MTMR14: variants seen among roughly 807,000 people sequenced by gnomAD.
MTMR14 encodes the protein phosphatidylinositol-3,5-bisphosphate 3-phosphatase MTMR14.
MTMR14 carries 48 observed loss-of-function variants against 86.3 expected under a neutral mutation model. The ratio of observed to expected loss-of-function variants is 0.56; its 90% CI spans 0.44 to 0.71. The LOEUF is 0.71. Among genes scored for constraint, MTMR14 ranks in the 30% least tolerant of loss-of-function variants. The pLI is 0.00. For synonymous variants in MTMR14, 366 were observed against 326.1 expected, an observed-to-expected ratio of 1.12 and a Z score of -1.32; for missense variants, 780 against 834.6, an observed-to-expected ratio of 0.93 and a Z score of 0.81.
chr3:9,661,149 C>T (rs549507381), intron 2 of MTMR14, among the ~76,000 whole-genome samples: 137 of 152,192 alleles, frequency 9.0e-4, no homozygotes, highest in Non-Finnish European at 4.3e-4. Flanking sequence ...GCCATATGGA[C>T]TGTGAAAGCA....
chr3:9,701,806 G>A lies in MTMR14; in HGVS notation c.1786G>A (p.Asp596Asn). The A allele has an allele frequency of 1.2e-6, 2 of 1,613,850 alleles. No homozygotes were observed. Among genetic ancestry groups the A allele is most frequent in the South Asian group, 1.1e-5 (1 of 91,072 alleles). ...TCCCCATAGGCTTGCAGCCCTGAGT[G>A]ATCGAGAGACTCGGCTGCAGGAGGT... ...PNSCLLAALS[D>N]RETRLQEVRS... is the part of the protein sequence containing the mutation. The change falls in exon 19 of 19, where the codon GAT becomes AAT. Residue 596 changes from aspartate to asparagine, a missense_variant. By Grantham distance (23) the Asp-to-Asn change is conservative (BLOSUM62 1). Coordinates refer to ENST00000296003, the MANE Select transcript of MTMR14 (RefSeq NM_001077525.3). This position sits in a 1 kb window ranked among gnomAD's most constrained non-coding sequence, Gnocchi z 4.2.
intron 18 of MTMR14, among the ~76,000 whole-genome samples, chr3:9,698,578 G>GCTGGGGCC (rs2076354379): frequency 1.3e-5 from 2 of 152,234 alleles, no homozygotes; most frequent in African/African-American, 4.8e-5. Context: ...TGGGCTGGAT[G>GCTGGGGCC]AATGGCACAT....
chr3:9,691,861 G>A (rs1284922685), intron 17 of MTMR14, among the ~76,000 whole-genome samples: 1 of 152,174 alleles, frequency 6.6e-6, no homozygotes, highest in Non-Finnish European at 1.5e-5. Context: ...GACCAAGATG[G>A]GTGCAAGGCT....
At chr3:9,678,818 G>T (rs1009224540) in intron 9 of MTMR14, among the ~76,000 whole-genome samples, 7 of 152,228 alleles carry the variant, frequency 4.6e-5, no homozygotes, top group Non-Finnish European at 7.3e-5. Flanking sequence ...TTTCCACTGA[G>T]CTGTAGTCAC....
intron 2 of MTMR14, among the ~76,000 whole-genome samples, chr3:9,656,269 C>T (rs2047602051): frequency 6.6e-6 from 1 of 152,010 alleles, no homozygotes. Flanking sequence ...GTTAAGGGCT[C>T]TTGTAAATAG....
chr3:9,679,912 T>C (rs774530911), intron 9 of MTMR14, among the ~76,000 whole-genome samples: 3 of 152,194 alleles, frequency 2.0e-5, no homozygotes, highest in African/African-American at 4.8e-5. Flanking sequence ...TCAGTGTTGC[T>C]CAACCTGTTT....
At chr3:9,691,194 G>C (rs974310016) in intron 17 of MTMR14, among the ~76,000 whole-genome samples, 1 of 152,234 alleles carries the variant, frequency 6.6e-6, no homozygotes, top group East Asian at 1.9e-4. Context: ...GCTCACCCCT[G>C]CGTGAACTCT....
rs186228925 is a variant in MTMR14 at position 9,662,040 on chromosome 3, A to G, written c.309-227A>G. ...GAGGCAGAGGCTGTGGTGAGCCAAGATTGCGCCACTGCACTCTAGCCTGGG... is the reference window on the plus strand; with the variant it reads ...GAGGCAGAGGCTGTGGTGAGCCAAGGTTGCGCCACTGCACTCTAGCCTGGG... On this transcript the variant is annotated intron_variant, in intron 2 of 18. Transcript: ENST00000296003. 6.0e-3 allele frequency among the ~76,000 whole-genome samples: 913 copies of G among 152,054 alleles called. 7 individuals are homozygous for G. The highest frequency in any genetic ancestry group is 8.1e-3 in the Non-Finnish European group (553 of 67,996).
chr3:9,658,154 A>G (rs1389330740), intron 2 of MTMR14, among the ~76,000 whole-genome samples: 2 of 152,206 alleles, frequency 1.3e-5, no homozygotes, highest in African/African-American at 4.8e-5. Flanking sequence ...GCTTGTTGAA[A>G]GGGGGGACTT....
intron 3 of MTMR14, among the ~76,000 whole-genome samples, chr3:9,667,148 AT>A (rs1382385226): frequency 1.3e-5 from 2 of 152,234 alleles, no homozygotes; most frequent in Non-Finnish European, 2.9e-5. Flanking sequence ...GCTCTGAAAG[AT>A]TTAACAGAAA....
At chr3:9,659,796 C>T (rs1273697908) in intron 2 of MTMR14, 1 of 456,576 alleles carries the variant, frequency 2.2e-6, no homozygotes, top group East Asian at 6.9e-5. Flanking sequence ...CACTGGCCGA[C>T]CTAACAAGAA....
intron 9 of MTMR14, among the ~76,000 whole-genome samples, chr3:9,682,893 C>T (rs1206265465): frequency 2.0e-5 from 3 of 151,910 alleles, no homozygotes; most frequent in East Asian, 1.9e-4. Flanking sequence ...ACCCTGGCCT[C>T]AGCATCCGTT....
intron 7 of MTMR14, among the ~76,000 whole-genome samples, chr3:9,673,428 G>A (rs543247303): frequency 7.2e-5 from 11 of 152,334 alleles, no homozygotes; most frequent in South Asian, 4.1e-4. Flanking sequence ...CTAGTGTGTA[G>A]CATTCAAGTT....
chr3:9,690,579 G>A lies in MTMR14; in HGVS notation c.1613+436G>A, dbSNP rs149725801. Among the ~76,000 whole-genome samples, 1,489 of 152,296 alleles carry A rather than the reference G, an allele frequency of 9.8e-3. 13 individuals carry two copies. Among genetic ancestry groups the A allele is most frequent in the Middle Eastern group, 0.071 (21 of 294 alleles). On this transcript the variant is annotated intron_variant, in intron 17 of 18. Transcript: ENST00000296003. Reference sequence around the variant, plus strand: ...AGCTGAGCTACATGTGTGTGGCTGGGACAAACGATGGTGACTGCACACCTG... The same window carrying A: ...AGCTGAGCTACATGTGTGTGGCTGGAACAAACGATGGTGACTGCACACCTG...
chr3:9,696,832 A>G (rs915531757), intron 17 of MTMR14, among the ~76,000 whole-genome samples: 1 of 152,194 alleles, frequency 6.6e-6, no homozygotes, highest in Non-Finnish European at 1.5e-5. Flanking sequence ...ATAAAGGGTC[A>G]AGCATCAAAG....
chr3:9,653,844 A>G lies in MTMR14; in HGVS notation c.308+75A>G, dbSNP rs955581598. ...TAATCCCTGTGGCCAGGAAGTCTGTAGCTGGGCAGGGCAGAATCACTTTCC... is the reference window on the plus strand; with the variant it reads ...TAATCCCTGTGGCCAGGAAGTCTGTGGCTGGGCAGGGCAGAATCACTTTCC... On this transcript the variant is annotated intron_variant, in intron 2 of 18. Transcript: ENST00000296003. The G allele has an allele frequency of 8.8e-6, 14 of 1,590,674 alleles. No homozygotes were observed. In the Admixed American group the frequency reaches 1.0e-4, roughly 11 times the overall value.
intron 7 of MTMR14, among the ~76,000 whole-genome samples, chr3:9,675,166 G>A (rs1245305160): frequency 6.6e-6 from 1 of 152,152 alleles, no homozygotes; most frequent in Non-Finnish European, 1.5e-5. Flanking sequence ...ACCAAAATTT[G>A]TATGTACTGT....
At chr3:9,658,118 G>A (rs1322056579) in intron 2 of MTMR14, among the ~76,000 whole-genome samples, 2 of 152,196 alleles carry the variant, frequency 1.3e-5, no homozygotes, top group Non-Finnish European at 2.9e-5. Flanking sequence ...AAGTGTTACT[G>A]AAGTGATGTT....
At position 9,695,074 on chromosome 3, in the gene MTMR14, C is replaced by T. The variant is rs956169580; in HGVS notation, c.1614-2637C>T. Among the ~76,000 whole-genome samples the T allele has an allele frequency of 3.3e-5, 5 of 152,280 alleles. No homozygotes were observed. The East Asian group carries it at 7.7e-4, about 23-fold the overall frequency. The stretch of plus-strand genomic sequence containing the variant: ...AGAGCAGAGGGGGTGGAGCTTGGAT[C>T]CCTCTGTTTGCTGCTCAGGGCAAAA... On this transcript the variant is annotated intron_variant, in intron 17 of 18. Coordinates refer to ENST00000296003, the MANE Select transcript of MTMR14 (RefSeq NM_001077525.3).
Sources: gnomAD v4.1 joint callset for allele counts (sites outside exome capture counted in the v4.1 genomes callset) on GRCh38, gnomAD v4.1.1 for gene constraint, Gnocchi (gnomAD v3.1) non-coding constraint, MANE v1.5 for transcripts, NCBI Gene and HGNC (gene_info 2026-07-23, HGNC 2026-07-21) for gene names.